MB: variants seen among roughly 807,000 people sequenced by gnomAD.
MB encodes the protein nitrite reductase MB.
Under a neutral mutation model 14.5 loss-of-function variants are expected in MB, and 10 were observed. That is an observed-to-expected ratio of 0.69 (90% CI 0.43 to 1.17). MB has a LOEUF of 1.17. MB is among the 50% of genes most tolerant of loss of function. The pLI, the probability that MB is intolerant of heterozygous loss-of-function variation, is 0.00. For missense variants in MB, 169 were observed against 192.7 expected, an observed-to-expected ratio of 0.88 and a Z score of 0.73; for synonymous variants, 89 against 78.6, an observed-to-expected ratio of 1.13 and a Z score of -0.70.
At chr22:35,609,512 G>T (rs948104969) in intron 2 of MB, among the ~76,000 whole-genome samples, 2 of 152,206 alleles carry the variant, frequency 1.3e-5, no homozygotes, top group Non-Finnish European at 2.9e-5. Context: ...GGGTGCAAAG[G>T]TCGAAGTTAA....
Position 35,611,055 on chromosome 22 carries a change from G to A in MB, c.147C>T (p.His49=), listed in dbSNP as rs1338003940. The change falls in exon 2 of 3, where the codon CAC becomes CAT. Residue 49 remains histidine, a synonymous_variant. Coordinates refer to ENST00000397326, the MANE Select transcript of MB (RefSeq NM_005368.3). ...ETLEKFDKFK[H]LKSEDEMKAS... ...CCTTCATCTCGTCCTCTGACTTCAG[G>A]TGCTTGAACTTGTCAAACTTCTCCA... is the stretch of plus-strand genomic sequence containing the variant. 5 of 1,614,104 alleles carry A rather than the reference G, an allele frequency of 3.1e-6. No individual in the cohort carries two copies. The Admixed American group carries it at 8.3e-5, about 27-fold the overall frequency.
chr22:35,611,758 C>T (rs552910420), intron 1 of MB, among the ~76,000 whole-genome samples: 8 of 152,288 alleles, frequency 5.3e-5, no homozygotes, highest in South Asian at 2.1e-4. Context: ...GTGAGGTGCC[C>T]CAGAGGCCTC....
Position 35,607,227 on chromosome 22 carries a change from T to C in MB, c.*70A>G. ...CACTCAGAAGCAAACTCTATATGGCTACACGAGATCAGACCCCGCTCTCTC... is the reference window on the plus strand; with the variant it reads ...CACTCAGAAGCAAACTCTATATGGCCACACGAGATCAGACCCCGCTCTCTC... On this transcript the variant is annotated 3_prime_UTR_variant, in exon 3 of 3. Transcript: ENST00000397326. The C allele has an allele frequency of 6.5e-7, 1 of 1,526,804 alleles. No homozygotes were observed. Among genetic ancestry groups the C allele is most frequent in the Non-Finnish European group, 8.9e-7 (1 of 1,129,136 alleles). 94.6% of individuals were successfully genotyped at this position (1,526,804 alleles called of 1,614,324 possible). A position where few individuals can be genotyped will look rare whatever the true frequency, so the allele number is the denominator to read the frequency against.
rs890799166 is a variant in MB, at chr22:35,608,063, G to A, written c.319-620C>T. On this transcript the variant is annotated intron_variant, in intron 2 of 2. Coordinates refer to ENST00000397326, the MANE Select transcript of MB (RefSeq NM_005368.3). The surrounding 1 kb of genome is among the most constrained non-coding windows in gnomAD (Gnocchi z 4.3). ...GAAGACAGGGATGAGGCCCGCGGCTGGCTCCCAGGATGGAGAATGTCTGCT... is the reference window on the plus strand; with the variant it reads ...GAAGACAGGGATGAGGCCCGCGGCTAGCTCCCAGGATGGAGAATGTCTGCT... 1.3e-5 allele frequency among the ~76,000 whole-genome samples: 2 copies of A among 152,214 alleles called. No individual in the cohort carries two copies. Among genetic ancestry groups the A allele is most frequent in the African/African-American group, 4.8e-5 (2 of 41,454 alleles).
chr22:35,616,431 A>G (rs1923082775), intron 1 of MB, among the ~76,000 whole-genome samples: 2 of 152,298 alleles, frequency 1.3e-5, no homozygotes, highest in Admixed American at 1.3e-4. Context: ...CATACTCAAC[A>G]TCGAAGGTCA....
chr22:35,617,366 T>A, upstream of MB: 1 of 733,878 alleles, frequency 1.4e-6, no homozygotes, highest in Non-Finnish European at 2.3e-6. Flanking sequence ...TTATACCTTC[T>A]GGGATGCTTG....
In MB at chr22:35,610,914, G is replaced by C; in HGVS notation, c.288C>G (p.Thr96=). 1 of 1,614,044 alleles carries C rather than the reference G, an allele frequency of 6.2e-7. No homozygotes were observed. The highest frequency in any genetic ancestry group is 1.1e-5 in the South Asian group (1 of 91,072). The change falls in exon 2 of 3, where the codon ACC becomes ACG. Residue 96 remains threonine (T), a synonymous_variant. Coordinates refer to ENST00000397326, the MANE Select transcript of MB (RefSeq NM_005368.3). The stretch of plus-strand genomic sequence containing the variant: ...GGTACTTCACGGGGATCTTGTGCTT[G>C]GTGGCATGCGACTGTGCCAGGGGCT... ...EIKPLAQSHA[T]KHKIPVKYLE...
At position 35,607,409 on chromosome 22, in the gene MB, C is replaced by T. The variant is rs771985356; in HGVS notation, c.353G>A (p.Ser118Asn). 3.1e-6 allele frequency: 5 copies of T among 1,613,940 alleles called. No individual in the cohort carries two copies. Among genetic ancestry groups the T allele is most frequent in the East Asian group, 2.2e-5 (1 of 44,894 alleles). Residue 118 changes from serine (S) to asparagine (N), a missense_variant, in exon 3 of 3, where the codon AGC becomes AAC. Ser to Asn is a conservative substitution (Grantham distance 46, BLOSUM62 1). Coordinates refer to ENST00000397326, the MANE Select transcript of MB (RefSeq NM_005368.3). Reference sequence around the variant, plus strand: ...AGCACCAAAGTCCCCGGGATGCTTGCTCTGCAGAACCTGGATGATGCATTC... The same window carrying T: ...AGCACCAAAGTCCCCGGGATGCTTGTTCTGCAGAACCTGGATGATGCATTC... ...ISECIIQVLQSKHPGDFGADA... is the reference protein window; with the variant it reads ...ISECIIQVLQNKHPGDFGADA...
chr22:35,608,955 C>G lies in MB; in HGVS notation c.319-1512G>C, dbSNP rs193250288. ...TGAACAGCGCAGAGCGAAGGTCCACCGTGAGGGGGAAAAGCAGACATCTGG... is the reference window on the plus strand; with the variant it reads ...TGAACAGCGCAGAGCGAAGGTCCACGGTGAGGGGGAAAAGCAGACATCTGG... On this transcript the variant is annotated intron_variant, in intron 2 of 2. Transcript: ENST00000397326. This position sits in a 1 kb window ranked among gnomAD's most constrained non-coding sequence, Gnocchi z 4.3. Among the ~76,000 whole-genome samples, 1 of 152,150 alleles carries G rather than the reference C, an allele frequency of 6.6e-6. No individual in the cohort carries two copies. The highest frequency in any genetic ancestry group is 1.5e-5 in the Non-Finnish European group (1 of 68,024).
chr22:35,622,567 G>A (rs1266400510), intron 1 of MB: 1 of 152,458 alleles, frequency 6.6e-6, no homozygotes, highest in African/African-American at 2.4e-5. Context: ...ATAGCAGCCG[G>A]GGAGAGGCAC....
At chr22:35,615,477 C>T (rs143361195) in intron 1 of MB, 3 of 152,418 alleles carry the variant, frequency 2.0e-5, no homozygotes, top group African/African-American at 7.2e-5. Context: ...ATGCAACACC[C>T]TGAGTCTCTT....
At chr22:35,621,212 TAC>T (rs2145928494), upstream of MB, among the ~76,000 whole-genome samples, 1 of 152,286 alleles carries the variant, frequency 6.6e-6, no homozygotes, top group Admixed American at 6.5e-5. Context: ...ACGCTCATGC[TAC>T]ACACACGCAC....
In MB at chr22:35,617,267, T is replaced by C. The variant is rs774786603; in HGVS notation, c.-10A>G. 1 of 1,612,428 alleles carries C rather than the reference T, an allele frequency of 6.2e-7. No individual in the cohort carries two copies. Among genetic ancestry groups the C allele is most frequent in the East Asian group, 2.2e-5 (1 of 44,876 alleles). ...CGTCGCTGAGCCCCATGGCGCAGTC[T>C]GAAGAAGACAAAAAGAGCAAGTATG... On this transcript the variant is annotated 5_prime_UTR_variant, in exon 1 of 3. Coordinates refer to ENST00000397326, the MANE Select transcript of MB (RefSeq NM_005368.3).
Position 35,606,978 on chromosome 22 carries a change from TTA to T in MB, c.*317_*318del. On this transcript the variant is annotated 3_prime_UTR_variant, in exon 3 of 3. Coordinates refer to ENST00000397326, the MANE Select transcript of MB (RefSeq NM_005368.3). ...TGTAGTTAATGGCTTGGATTTGGGG[TTA>T]CAGCCAGTTTGGAGGTTGGAAGAAG... 1 of 244,590 alleles carries T rather than the reference TTA, an allele frequency of 4.1e-6. No homozygotes were observed. Among genetic ancestry groups the T allele is most frequent in the Non-Finnish European group, 7.9e-6 (1 of 126,886 alleles). 15.2% of individuals were successfully genotyped at this position (244,590 alleles called of 1,614,324 possible).
chr22:35,621,471 T>A (rs8141731), upstream of MB, among the ~76,000 whole-genome samples: 1 of 152,176 alleles, frequency 6.6e-6, no homozygotes, highest in Admixed American at 6.5e-5. Flanking sequence ...TCCAGACTTA[T>A]AGAGAGCTAG....
intron 2 of MB, among the ~76,000 whole-genome samples, chr22:35,609,529 G>T (rs1180501345): frequency 6.6e-6 from 1 of 152,192 alleles, no homozygotes; most frequent in Non-Finnish European, 1.5e-5. Context: ...TTAAAGAGGG[G>T]TGGCGGTGGT....
At position 35,608,710 on chromosome 22, in the gene MB, C is replaced by A. The variant is rs1922337391; in HGVS notation, c.319-1267G>T. On this transcript the variant is annotated intron_variant, in intron 2 of 2. Coordinates refer to ENST00000397326, the MANE Select transcript of MB (RefSeq NM_005368.3). This position sits in a 1 kb window ranked among gnomAD's most constrained non-coding sequence, Gnocchi z 4.3. ...GAATCAAGTTCCAGGGCCACCTATG[C>A]CCCGACTCCATGTGTGACTTCACCC... is the stretch of plus-strand genomic sequence containing the variant. Among the ~76,000 whole-genome samples the A allele has an allele frequency of 6.6e-6, 1 of 152,198 alleles. No individual in the cohort carries two copies. Among genetic ancestry groups the A allele is most frequent in the Non-Finnish European group, 1.5e-5 (1 of 68,024 alleles).
At chr22:35,616,209 C>A (rs45551834) in intron 1 of MB, among the ~76,000 whole-genome samples, 3,099 of 152,266 alleles carry the variant, frequency 0.02, 114 homozygotes, top group African/African-American at 0.071. Flanking sequence ...CTGAGGGAAC[C>A]AGCTCAGAAT....
upstream of MB, among the ~76,000 whole-genome samples, chr22:35,618,435 T>C (rs1923241189): frequency 6.6e-6 from 1 of 152,174 alleles, no homozygotes; most frequent in Non-Finnish European, 1.5e-5. Context: ...CTTACATCCA[T>C]GCATCCTCCT....
Sources: allele counts gnomAD v4.1 joint callset (sites outside exome capture counted in the v4.1 genomes callset), GRCh38; gene constraint gnomAD v4.1.1; non-coding constraint Gnocchi (gnomAD v3.1); transcripts MANE v1.5; gene names NCBI Gene and HGNC (gene_info 2026-07-23, HGNC 2026-07-21).